The following COQ5 variants were observed in gnomAD, a reference collection of about 807,000 sequenced individuals.
COQ5 encodes 2-methoxy-6-polyprenyl-1,4-benzoquinol methylase, mitochondrial.
Under a neutral mutation model 40.5 loss-of-function variants are expected in COQ5, and 27 were observed. The ratio of observed to expected loss-of-function variants is 0.67; its 90% CI spans 0.49 to 0.92. COQ5 has a LOEUF of 0.92. Among genes scored for constraint, COQ5 ranks in the 40% least tolerant of loss-of-function variants. The pLI is 0.00. For missense variants in COQ5, 409 were observed against 406.4 expected (o/e 1.01, Z -0.06); for synonymous variants, 141 against 150.0 (o/e 0.94, Z 0.44).
intron 1 of COQ5, among the ~76,000 whole-genome samples, chr12:120,526,240 T>C (rs1614223): frequency 0.79 from 120,118 of 152,200 alleles, 47,794 homozygotes; most frequent in Admixed American, 0.85. Flanking sequence ...GTATTGCCTC[T>C]TTATCTTTCA....
intron 1 of COQ5, among the ~76,000 whole-genome samples, chr12:120,525,490 C>A (rs1220146733): frequency 6.6e-6 from 1 of 152,124 alleles, no homozygotes; most frequent in Admixed American, 6.6e-5. Flanking sequence ...GTGGCACACA[C>A]CTGGAGTGCC....
chr12:120,522,329 A>C lies in COQ5; in HGVS notation c.237T>G (p.Tyr79Ter). 1 of 1,613,838 alleles carries C rather than the reference A, an allele frequency of 6.2e-7. No individual in the cohort carries two copies. Among genetic ancestry groups the C allele is most frequent in the South Asian group, 1.1e-5 (1 of 91,074 alleles). The change falls in exon 2 of 7, where the codon TAT becomes TAG. Residue 79 changes from tyrosine (Y) to a stop codon, truncating the protein, a stop_gained. Transcript: ENST00000288532. LOFTEE classifies it high-confidence loss of function. The part of the protein sequence containing the change: ...YQVFESVAKK[Y>*]DVMNDMMSLG... ...GACTCATCATATCATTCATCACATC[A>C]TACTTCTTAGCCACACTTTCAAACA...
At position 120,520,727 on chromosome 12, in the gene COQ5, C is replaced by T. The variant is rs555622840; in HGVS notation, c.352+1487G>A. Among the ~76,000 whole-genome samples, 5 of 151,900 alleles carry T rather than the reference C, an allele frequency of 3.3e-5. No homozygotes were observed. The South Asian group carries it at 8.3e-4, about 25-fold the overall frequency. On this transcript the variant is annotated intron_variant, in intron 2 of 6. Transcript: ENST00000288532. ...CTCAGGTGATCCTCCCAAAGTGCTA[C>T]GATTATAGGCGTGAGCCACCACGCC...
intron 2 of COQ5, among the ~76,000 whole-genome samples, chr12:120,519,709 A>G (rs113096247): frequency 0.086 from 13,024 of 152,124 alleles, 699 homozygotes; most frequent in Non-Finnish European, 0.11. Flanking sequence ...CGTCTCTACT[A>G]AAAATACAAA....
intron 3 of COQ5, 94 bp downstream of exon 3, chr12:120,516,473 G>C: frequency 8.9e-7 from 1 of 1,119,764 alleles, no homozygotes. Flanking sequence ...GTTTCTGAAA[G>C]CCAAAAGATA....
intron 3 of COQ5, among the ~76,000 whole-genome samples, chr12:120,511,949 C>T (rs150015769): frequency 0.045 from 6,912 of 152,178 alleles, 263 homozygotes; most frequent in South Asian, 0.1. Context: ...TGGTGGCTCA[C>T]GCCTGTAATC....
chr12:120,523,802 G>T, intron 1 of COQ5: 1 of 261,782 alleles, frequency 3.8e-6, no homozygotes, highest in Non-Finnish European at 7.8e-6. Flanking sequence ...TCGAGGCCAG[G>T]AGTTCAAGGC....
In COQ5 at chr12:120,529,039, C is replaced by T. The variant is rs376339245; in HGVS notation, c.103G>A (p.Gly35Arg). Residue 35 changes from glycine to arginine, a missense_variant, in exon 1 of 7, where the codon GGG (glycine) becomes AGG (arginine). Gly to Arg is a moderately radical substitution (Grantham distance 125). Transcript: ENST00000288532. The stretch of plus-strand genomic sequence containing the variant: ...AAGAGCCGAGCACTTAGTAGGTCCC[C>T]GGGCCAAGAGCTACGAAGCCCGAGG... The part of the protein sequence containing the change: ...QLLGLRSSWP[G>R]DLLSARLLSQ... The T allele has an allele frequency of 6.2e-7, 1 of 1,614,134 alleles. No individual in the cohort carries two copies. The highest frequency in any genetic ancestry group is 8.5e-7 in the Non-Finnish European group (1 of 1,180,030).
chr12:120,508,427 A>G (rs1416315675), intron 4 of COQ5, among the ~76,000 whole-genome samples: 2 of 152,172 alleles, frequency 1.3e-5, no homozygotes, highest in Non-Finnish European at 2.9e-5. Flanking sequence ...TAGTATATAC[A>G]CCTTGGCACA....
intron 5 of COQ5, chr12:120,504,634 G>A: frequency 2.2e-6 from 1 of 452,022 alleles, no homozygotes; most frequent in South Asian, 2.2e-5. Flanking sequence ...AATAAGTTCT[G>A]ATAACCCACT....
chr12:120,504,288 A>G lies in COQ5; in HGVS notation c.771-207T>C, dbSNP rs368579552. ...AAGTATTATGAAGTGGAGAAGGGAC[A>G]GTTACTACTCAGACCTCCCTGTGGC... is the stretch of plus-strand genomic sequence containing the variant. On this transcript the variant is annotated intron_variant, in intron 5 of 6. Coordinates refer to ENST00000288532, the MANE Select transcript of COQ5 (RefSeq NM_032314.4). Among the ~76,000 whole-genome samples the G allele has an allele frequency of 6.6e-5, 10 of 152,166 alleles. No homozygotes were observed. In the South Asian group the frequency reaches 1.0e-3, roughly 16 times the overall value.
At chr12:120,520,225 C>A (rs1419134812) in intron 2 of COQ5, among the ~76,000 whole-genome samples, 5 of 151,996 alleles carry the variant, frequency 3.3e-5, no homozygotes, top group African/African-American at 1.2e-4. Flanking sequence ...CTCACTGCAA[C>A]CTCTGCCTCC....
chr12:120,522,431 A>C, intron 1 of COQ5, 68 bp from the exon 2 acceptor site: 6 of 1,511,476 alleles, frequency 4.0e-6, no homozygotes, highest in Non-Finnish European at 4.6e-6. Context: ...CTAAACAAAA[A>C]AGGAGGAAGC....
At chr12:120,520,958 T>G (rs1258152760) in intron 2 of COQ5, among the ~76,000 whole-genome samples, 1 of 150,548 alleles carries the variant, frequency 6.6e-6, no homozygotes, top group Non-Finnish European at 1.5e-5. Context: ...TCTCATCCCC[T>G]AAAAAAGAAG....
intron 4 of COQ5, among the ~76,000 whole-genome samples, chr12:120,508,670 C>G (rs1479240235): frequency 6.6e-6 from 1 of 152,148 alleles, no homozygotes; most frequent in African/African-American, 2.4e-5. Flanking sequence ...GGAGAGGAGG[C>G]AAGGATGGGA....
intron 1 of COQ5, among the ~76,000 whole-genome samples, chr12:120,525,014 C>T (rs1325820916): frequency 6.6e-6 from 1 of 151,186 alleles, no homozygotes; most frequent in Admixed American, 6.6e-5. Flanking sequence ...GGTTTCACTG[C>T]TAGCCAGGAT....
intron 4 of COQ5, among the ~76,000 whole-genome samples, chr12:120,508,930 CAGG>C: frequency 6.6e-6 from 1 of 151,488 alleles, no homozygotes; most frequent in South Asian, 2.1e-4. Flanking sequence ...GAGGCTGACG[CAGG>C]AGAATTGCTT....
intron 3 of COQ5, 100 bp downstream of exon 3, chr12:120,516,467 C>T (rs1205635579): frequency 9.3e-7 from 1 of 1,077,484 alleles, no homozygotes. Flanking sequence ...CTATAAGTTT[C>T]TGAAAGCCAA....
rs1869380076 is a variant in COQ5 at position 120,516,572 on chromosome 12, C to G, written c.569G>C (p.Arg190Thr). The G allele has an allele frequency of 6.2e-7, 1 of 1,612,870 alleles. No homozygotes were observed. The highest frequency in any genetic ancestry group is 8.5e-7 in the Non-Finnish European group (1 of 1,179,014). Residue 190 changes from arginine (R) to threonine (T), a missense_variant, in exon 3 of 7, where the codon AGA becomes ACA. By Grantham distance (71) the Arg-to-Thr change is moderately conservative (BLOSUM62 -1). Transcript: ENST00000288532. Reference sequence around the variant, plus strand: ...CTGCCTTCTGCAGGACTCACCAGCTCTGTATCCTTGAGCCAAGGCTTTCTG... The same window carrying G: ...CTGCCTTCTGCAGGACTCACCAGCTGTGTATCCTTGAGCCAAGGCTTTCTG... ...GKQKALAQGYRAGLAWVLGDA... is the reference protein window; with the variant it reads ...GKQKALAQGYTAGLAWVLGDA...
Sources: allele counts gnomAD v4.1 joint callset (sites outside exome capture counted in the v4.1 genomes callset), GRCh38; gene constraint gnomAD v4.1.1; transcripts MANE v1.5; gene names NCBI Gene and HGNC (gene_info 2026-07-23, HGNC 2026-07-21).